The following HEG1 variants were observed in gnomAD, a reference collection of about 807,000 sequenced individuals.
HEG1 encodes the protein protein HEG homolog 1.
In HEG1, 56 loss-of-function variants were observed where a neutral mutation model predicts 125.6. The observed-to-expected ratio is 0.45, with a 90% confidence interval of 0.36 to 0.56. The LOEUF is 0.56. HEG1 is among the 20% of genes least tolerant of loss of function. The pLI, the probability that HEG1 is intolerant of heterozygous loss-of-function variation, is 0.00. For missense variants in HEG1, 1,523 were observed against 1,670.0 expected, an observed-to-expected ratio of 0.91 and a Z score of 1.53; for synonymous variants, 644 against 668.5, an observed-to-expected ratio of 0.96 and a Z score of 0.57.
chr3:125,040,069 C>A (rs1008562268), intron 1 of HEG1, among the ~76,000 whole-genome samples: 1 of 151,988 alleles, frequency 6.6e-6, no homozygotes, highest in African/African-American at 2.4e-5. Flanking sequence ...TTACGCATAA[C>A]GAAAAGAATA....
At chr3:125,010,114 A>C (rs921990512) in intron 7 of HEG1, among the ~76,000 whole-genome samples, 11 of 152,196 alleles carry the variant, frequency 7.2e-5, no homozygotes, top group Non-Finnish European at 1.6e-4. Flanking sequence ...CTGGACTACA[A>C]CTGGAAGGAC....
At chr3:125,002,067 A>G in intron 10 of HEG1, 55 bp from the exon 11 acceptor site, 1 of 1,599,614 alleles carries the variant, frequency 6.3e-7, no homozygotes, top group Non-Finnish European at 8.6e-7. Context: ...GTGGGTCCCA[A>G]GGCTTTTGGA....
chr3:125,019,204 G>C, intron 5 of HEG1, 58 bp downstream of exon 5: 1 of 1,397,498 alleles, frequency 7.2e-7, no homozygotes, highest in Non-Finnish European at 1.0e-6. Context: ...GATTTCATAA[G>C]CATCATGAGT....
rs79021993 is a variant in HEG1, at chr3:125,048,216, A to C, written c.316+7359T>G. Among the ~76,000 whole-genome samples the C allele has an allele frequency of 1.3e-3, 204 of 152,378 alleles. 1 individual carries two copies. The East Asian group carries it at 0.028, about 21-fold the overall frequency. On this transcript the variant is annotated intron_variant, in intron 1 of 16. Coordinates refer to ENST00000311127, the MANE Select transcript of HEG1 (RefSeq NM_020733.2). ...CAGAGCTAAAATATTAAGCAAAAGG[A>C]AACTGTCCATTTTTAATAGCCTCTA...
chr3:125,026,600 G>A (rs929929562), intron 3 of HEG1, among the ~76,000 whole-genome samples: 5 of 152,008 alleles, frequency 3.3e-5, no homozygotes, highest in East Asian at 3.9e-4. Context: ...CTTTACCATC[G>A]AAGGAAACAT....
rs1937007066 is a variant in HEG1, at chr3:125,001,976, G to C, written c.3393C>G (p.Thr1131=). 2 of 1,613,942 alleles carry C rather than the reference G, an allele frequency of 1.2e-6. No individual in the cohort carries two copies. The highest frequency in any genetic ancestry group is 1.3e-5 in the African/African-American group (1 of 74,950). ...SNAVVISLQT[T]FSLASNVTLF... ...GCGTCACATTGGAGGCCAGGGAAAAGGTTGTTTGCAGTGAGATCACCACCG... is the reference window on the plus strand; with the variant it reads ...GCGTCACATTGGAGGCCAGGGAAAACGTTGTTTGCAGTGAGATCACCACCG... Residue 1131 remains threonine, a synonymous_variant, in exon 11 of 17, where the codon ACC becomes ACG. Coordinates refer to ENST00000311127, the MANE Select transcript of HEG1 (RefSeq NM_020733.2).
At chr3:125,029,010 C>G (rs763125926) in intron 2 of HEG1, among the ~76,000 whole-genome samples, 185 bp downstream of exon 2, 1 of 152,144 alleles carries the variant, frequency 6.6e-6, no homozygotes, top group Non-Finnish European at 1.5e-5. Context: ...AAATCTGCAC[C>G]CTTGTCTGGT....
chr3:125,004,979 T>G (rs1341185517), intron 9 of HEG1, among the ~76,000 whole-genome samples: 2 of 152,228 alleles, frequency 1.3e-5, no homozygotes, highest in Non-Finnish European at 2.9e-5. Flanking sequence ...TGCTGATGCC[T>G]GTCATCAGCA....
chr3:124,987,627 C>A (rs1195460546), intron 14 of HEG1, among the ~76,000 whole-genome samples: 1 of 129,142 alleles, frequency 7.7e-6, no homozygotes, highest in East Asian at 2.6e-4. Context: ...AGGTTCACGC[C>A]ATTCTGCCTC....
At chr3:125,051,615 C>CCG (rs1937808041) in intron 1 of HEG1, among the ~76,000 whole-genome samples, 1 of 152,204 alleles carries the variant, frequency 6.6e-6, no homozygotes, top group East Asian at 1.9e-4. Context: ...CATACGTGTT[C>CCG]AAAGGCCAGG....
At chr3:125,046,101 A>T (rs2107713590) in intron 1 of HEG1, among the ~76,000 whole-genome samples, 1 of 152,250 alleles carries the variant, frequency 6.6e-6, no homozygotes, top group Admixed American at 6.5e-5. Context: ...CAGAGGCAGA[A>T]AGCAGAAGGG....
chr3:125,016,770 C>A (rs1937255039), intron 5 of HEG1, among the ~76,000 whole-genome samples: 1 of 152,168 alleles, frequency 6.6e-6, no homozygotes, highest in African/African-American at 2.4e-5. Flanking sequence ...AGAATTTAAA[C>A]CTATTCAAAG....
chr3:125,001,015 C>T (rs548963610), intron 11 of HEG1, among the ~76,000 whole-genome samples: 1 of 152,368 alleles, frequency 6.6e-6, no homozygotes, highest in South Asian at 2.1e-4. Context: ...AAGACCAAAA[C>T]TTCCCTTTTG....
intron 3 of HEG1, among the ~76,000 whole-genome samples, chr3:125,026,973 C>T (rs909871718): frequency 6.6e-6 from 1 of 152,158 alleles, no homozygotes; most frequent in Non-Finnish European, 1.5e-5. Flanking sequence ...GTACTCCAGC[C>T]TGGGCGACAA....
At chr3:125,042,138 A>C (rs749959204) in intron 1 of HEG1, among the ~76,000 whole-genome samples, 5 of 152,228 alleles carry the variant, frequency 3.3e-5, no homozygotes, top group African/African-American at 4.8e-5. Context: ...AAATGTATGT[A>C]TTTACTAGGC....
At chr3:125,038,927 G>A (rs902758222) in intron 1 of HEG1, among the ~76,000 whole-genome samples, 5 of 152,202 alleles carry the variant, frequency 3.3e-5, no homozygotes, top group African/African-American at 1.2e-4. Context: ...GGGCACCCTG[G>A]AGGCTTAGTA....
At chr3:125,031,908 C>G (rs1371497830) in intron 1 of HEG1, among the ~76,000 whole-genome samples, 1 of 152,104 alleles carries the variant, frequency 6.6e-6, no homozygotes, top group Non-Finnish European at 1.5e-5. Context: ...CAAACACAAT[C>G]CACATGTGTA....
chr3:124,975,633 C>A (rs1019646614), intron 15 of HEG1, among the ~76,000 whole-genome samples: 3 of 152,196 alleles, frequency 2.0e-5, no homozygotes, highest in Non-Finnish European at 4.4e-5. Flanking sequence ...AGTTTCATCA[C>A]CCCAAGAAGA....
intron 16 of HEG1, chr3:124,971,973 T>A (rs1317635783): frequency 6.6e-6 from 1 of 152,078 alleles, no homozygotes; most frequent in Non-Finnish European, 1.5e-5. Flanking sequence ...AAGAAAAAAA[T>A]TTGTAGAGAC....
Sources: gnomAD v4.1 joint callset for allele counts (sites outside exome capture counted in the v4.1 genomes callset) on GRCh38, gnomAD v4.1.1 for gene constraint, MANE v1.5 for transcripts, NCBI Gene and HGNC (gene_info 2026-07-23, HGNC 2026-07-21) for gene names.